The following MYLK4 variants were observed in gnomAD, a reference collection of about 807,000 sequenced individuals.
MYLK4 encodes the protein caMLCK like.
A neutral mutation model predicts 48.1 loss-of-function variants in MYLK4; 46 were observed. That is an observed-to-expected ratio of 0.96 (90% CI 0.75 to 1.22). The LOEUF is 1.22. MYLK4 is among the 50% of genes most tolerant of loss of function. The pLI, the probability that MYLK4 is intolerant of heterozygous loss-of-function variation, is 0.00. For synonymous variants in MYLK4, 170 were observed against 180.8 expected, an observed-to-expected ratio of 0.94 and a Z score of 0.48; for missense variants, 451 against 486.1, an observed-to-expected ratio of 0.93 and a Z score of 0.68.
rs1205930823 is a variant in MYLK4 at position 2,749,335 on chromosome 6, T to C, written c.-41A>G. On this transcript the variant is annotated 5_prime_UTR_variant, in exon 2 of 13. Transcript: ENST00000274643. ...GATTAAGCTACTTTCTGGAGTGTGG[T>C]TTTCGTCTCCCTCTGTCTCCGATTT... 2 of 1,556,566 alleles carry C rather than the reference T, an allele frequency of 1.3e-6. No homozygotes were observed. The highest frequency in any genetic ancestry group is 1.8e-6 in the Non-Finnish European group (2 of 1,137,038).
chr6:2,767,091 C>T, the MYLK4 span, among the ~76,000 whole-genome samples: 2 of 152,158 alleles, frequency 1.3e-5, no homozygotes, highest in African/African-American at 4.8e-5. Flanking sequence ...TCTCATAATG[C>T]CTTGTACTCT....
intron 2 of MYLK4, among the ~76,000 whole-genome samples, chr6:2,727,093 C>T (rs954910435): frequency 1.8e-4 from 28 of 152,322 alleles, no homozygotes; most frequent in African/African-American, 6.7e-4. Flanking sequence ...CACTGTGTGG[C>T]TTCAGAGATG....
At chr6:2,760,803 A>G in the MYLK4 span, among the ~76,000 whole-genome samples, 17 of 152,222 alleles carry the variant, frequency 1.1e-4, no homozygotes, top group Non-Finnish European at 2.9e-5. Flanking sequence ...TTCTACTTAC[A>G]ATAGTAAGGA....
At chr6:2,765,647 G>C in the MYLK4 span, 5 of 1,544,450 alleles carry the variant, frequency 3.2e-6, no homozygotes, top group Non-Finnish European at 4.3e-6. Context: ...GCCGGAAGAC[G>C]ACCCCTTCCT....
chr6:2,682,879 G>T lies in MYLK4; in HGVS notation c.687+142C>A, dbSNP rs1239375963. The T allele has an allele frequency of 5.9e-6, 5 of 851,970 alleles. No individual in the cohort carries two copies. In the African/African-American group the frequency reaches 8.4e-5, roughly 14 times the overall value. The allele number at this position is 851,970 out of a possible 1,614,324, so 52.8% of individuals were successfully genotyped here. On this transcript the variant is annotated intron_variant, in intron 7 of 12. Transcript: ENST00000274643. Reference sequence around the variant, plus strand: ...GGGAGTGACAGAAGCTGAGAATAAGGAGATGAGGGTAACAATTCAGATGTT... The same window carrying T: ...GGGAGTGACAGAAGCTGAGAATAAGTAGATGAGGGTAACAATTCAGATGTT...
At position 2,678,267 on chromosome 6, in the gene MYLK4, C is replaced by T. The variant is rs147253540; in HGVS notation, c.993G>A (p.Ser331=). Reference sequence around the variant, plus strand: ...TAGAGATGAACTCCTTGGCCTCCTCCGAGATGTCCTGAAATTCTTCATCCT... The same window carrying T: ...TAGAGATGAACTCCTTGGCCTCCTCTGAGATGTCCTGAAATTCTTCATCCT... ...DLEDEEFQDI[S]EEAKEFISKL... The change falls in exon 10 of 13, where the codon TCG becomes TCA. Residue 331 remains serine (S), a synonymous_variant. Transcript: ENST00000274643. The T allele has an allele frequency of 3.3e-5, 53 of 1,614,038 alleles. No homozygotes were observed. The highest frequency in any genetic ancestry group is 1.6e-4 in the Middle Eastern group (1 of 6,076).
rs143517138 is a variant in MYLK4, at chr6:2,711,222, T to G, written c.160-18363A>C. ...TTCACCCAGCTGTTGTTATCCAGTT[T>G]CCATGCCTCTGAATTTCCCACAAGG... On this transcript the variant is annotated intron_variant, in intron 2 of 12. Transcript: ENST00000274643. 6.1e-4 allele frequency among the ~76,000 whole-genome samples: 93 copies of G among 152,358 alleles called. No homozygotes were observed. The East Asian group carries it at 0.011, about 18-fold the overall frequency.
intron 2 of MYLK4, among the ~76,000 whole-genome samples, chr6:2,724,620 C>T (rs952905453): frequency 2.6e-5 from 4 of 152,146 alleles, no homozygotes; most frequent in Non-Finnish European, 5.9e-5. Context: ...GCTAAAAAGT[C>T]CAAGACATTT....
intron 2 of MYLK4, among the ~76,000 whole-genome samples, chr6:2,704,587 G>A (rs17135505): frequency 0.034 from 5,136 of 152,216 alleles, 216 homozygotes; most frequent in East Asian, 0.24. Flanking sequence ...TGCATTGGCC[G>A]TAACTTCTTT....
Position 2,677,721 on chromosome 6 carries a change from G to A in MYLK4, c.1040+499C>T, listed in dbSNP as rs572479793. ...GCCTCTGTTCTGCCAATTACTGGCGGTATGATGATGGGCAAACCACGTGGG... is the reference window on the plus strand; with the variant it reads ...GCCTCTGTTCTGCCAATTACTGGCGATATGATGATGGGCAAACCACGTGGG... On this transcript the variant is annotated intron_variant, in intron 10 of 12. Transcript: ENST00000274643. Among the ~76,000 whole-genome samples the A allele has an allele frequency of 4.6e-5, 7 of 152,294 alleles. No homozygotes were observed. In the East Asian group the frequency reaches 1.2e-3, roughly 25 times the overall value.
rs1170425195 is a variant in MYLK4, at chr6:2,666,813, C to G, written c.*1112G>C. The G allele has an allele frequency of 6.6e-6, 1 of 152,250 alleles. No individual in the cohort carries two copies. The highest frequency in any genetic ancestry group is 1.5e-5 in the Non-Finnish European group (1 of 68,056). 9.4% of individuals were successfully genotyped at this position (152,250 alleles called of 1,614,324 possible). A position where few individuals can be genotyped will look rare whatever the true frequency, so the allele number is the denominator to read the frequency against. ...ATGGCACACAGGCTAGGCATAGGAA[C>G]CTTCCAACTGGAACGTTCCAACATT... On this transcript the variant is annotated 3_prime_UTR_variant, in exon 13 of 13. Coordinates refer to ENST00000274643, the MANE Select transcript of MYLK4 (RefSeq NM_001012418.5).
intron 12 of MYLK4, among the ~76,000 whole-genome samples, chr6:2,670,689 C>A (rs138917327): frequency 6.6e-6 from 1 of 152,018 alleles, no homozygotes; most frequent in South Asian, 2.1e-4. Context: ...GGTGGAGGTC[C>A]GCATGTGTCA....
At position 2,685,251 on chromosome 6, in the gene MYLK4, G is replaced by A; in HGVS notation, c.545+45C>T. The A allele has an allele frequency of 1.4e-6, 2 of 1,427,428 alleles. No homozygotes were observed. The highest frequency in any genetic ancestry group is 2.0e-6 in the Non-Finnish European group (2 of 1,013,352). The allele number at this position is 1,427,428 out of a possible 1,614,324, so 88.4% of individuals were successfully genotyped here. A position where few individuals can be genotyped will look rare whatever the true frequency, so the allele number is the denominator to read the frequency against. On this transcript the variant is annotated intron_variant, in intron 6 of 12. Coordinates refer to ENST00000274643, the MANE Select transcript of MYLK4 (RefSeq NM_001012418.5). This position sits in a 1 kb window ranked among gnomAD's most constrained non-coding sequence, Gnocchi z 4.5. ...GCTACTGAGGCACGGTCACGGTCAT[G>A]AGTGCCCTTGGGGAGGTCAGGGAGG...
At chr6:2,680,039 T>C (rs1265390082) in intron 8 of MYLK4, among the ~76,000 whole-genome samples, 182 bp downstream of exon 8, 1 of 152,210 alleles carries the variant, frequency 6.6e-6, no homozygotes, top group Non-Finnish European at 1.5e-5. Context: ...CTGCATGCAT[T>C]ATAGAAACTT....
intron 2 of MYLK4, among the ~76,000 whole-genome samples, chr6:2,717,365 C>T (rs9503272): frequency 0.03 from 4,500 of 152,286 alleles, 217 homozygotes; most frequent in African/African-American, 0.1. Flanking sequence ...AAGCAGGTCC[C>T]TAAGCAGACC....
intron 10 of MYLK4, among the ~76,000 whole-genome samples, 163 bp downstream of exon 10, chr6:2,678,057 G>C (rs948141610): frequency 6.6e-6 from 1 of 152,192 alleles, no homozygotes; most frequent in Non-Finnish European, 1.5e-5. Flanking sequence ...AGCAGTCCCA[G>C]ATCTCAGTAG....
At chr6:2,733,805 G>A (rs1376920774) in intron 2 of MYLK4, among the ~76,000 whole-genome samples, 1 of 152,100 alleles carries the variant, frequency 6.6e-6, no homozygotes, top group Non-Finnish European at 1.5e-5. Context: ...GACCCCTGGA[G>A]GGTTATCCAA....
intron 4 of MYLK4, among the ~76,000 whole-genome samples, chr6:2,687,564 G>T (rs1459325886): frequency 6.6e-6 from 1 of 152,182 alleles, no homozygotes; most frequent in African/African-American, 2.4e-5. Flanking sequence ...GCTTGCCACT[G>T]ATGTCCCTGA....
chr6:2,742,762 A>G (rs1006069033), intron 2 of MYLK4, among the ~76,000 whole-genome samples: 1 of 148,914 alleles, frequency 6.7e-6, no homozygotes, highest in African/African-American at 2.5e-5. Flanking sequence ...AGATATACCT[A>G]ATGCTAAATG....
Sources: gnomAD v4.1 joint callset for allele counts (sites outside exome capture counted in the v4.1 genomes callset) on GRCh38, gnomAD v4.1.1 for gene constraint, Gnocchi (gnomAD v3.1) non-coding constraint, MANE v1.5 for transcripts, NCBI Gene and HGNC (gene_info 2026-07-23, HGNC 2026-07-21) for gene names.